Variants in MYLK4 observed in about 807,000 individuals in gnomAD.
MYLK4 encodes myosin light chain kinase family member 4, also known as caMLCK like.
In MYLK4, 46 loss-of-function variants were observed where a neutral mutation model predicts 48.1. The ratio of observed to expected loss-of-function variants is 0.96; its 90% CI spans 0.75 to 1.22. The LOEUF (loss-of-function observed/expected upper bound fraction) is 1.22. Ranked by LOEUF, MYLK4 falls within the 50% of genes most tolerant of loss-of-function variation. MYLK4 has a pLI of 0.00. For missense variants in MYLK4, 451 were observed against 486.1 expected (o/e 0.93, Z 0.68); for synonymous variants, 170 against 180.8 (o/e 0.94, Z 0.48).
At chr6:2,769,498 T>A in the MYLK4 span, among the ~76,000 whole-genome samples, 5 of 152,172 alleles carry the variant, frequency 3.3e-5, no homozygotes, top group African/African-American at 4.8e-5. Flanking sequence ...GGCATAACTT[T>A]AAAAAATTTT....
At chr6:2,679,532 T>C in intron 8 of MYLK4, 124 bp from the exon 9 acceptor site, 1 of 1,232,520 alleles carries the variant, frequency 8.1e-7, no homozygotes, top group Admixed American at 1.7e-5. Flanking sequence ...AAACAAACAT[T>C]GAAGGAAATC....
At chr6:2,746,127 C>T (rs904109230) in intron 2 of MYLK4, among the ~76,000 whole-genome samples, 2 of 150,318 alleles carry the variant, frequency 1.3e-5, no homozygotes, top group African/African-American at 2.4e-5. Flanking sequence ...ATGAGTCAGG[C>T]GTGGTTGCGT....
In MYLK4 at chr6:2,666,000, A is replaced by G. The variant is rs1190465198; in HGVS notation, c.*1925T>C. 6.6e-6 allele frequency: 1 copy of G among 152,200 alleles called. No individual in the cohort carries two copies. The highest frequency in any genetic ancestry group is 1.5e-5 in the Non-Finnish European group (1 of 68,054). 9.4% of individuals were successfully genotyped at this position (152,200 alleles called of 1,614,324 possible). On this transcript the variant is annotated 3_prime_UTR_variant, in exon 13 of 13. Transcript: ENST00000274643. ...TCACATCACAGGAACATAAGAAACCAACCTCGGATAAATGCAAGGCCAAAG... is the reference window on the plus strand; with the variant it reads ...TCACATCACAGGAACATAAGAAACCGACCTCGGATAAATGCAAGGCCAAAG...
chr6:2,687,741 G>A (rs916111766), intron 4 of MYLK4, among the ~76,000 whole-genome samples: 2 of 152,158 alleles, frequency 1.3e-5, no homozygotes, highest in Admixed American at 1.3e-4. Flanking sequence ...ATACGGAGTG[G>A]GAAGAGGAGG....
At position 2,728,687 on chromosome 6, in the gene MYLK4, T is replaced by C. The variant is rs181858361; in HGVS notation, c.159+20449A>G. On this transcript the variant is annotated intron_variant, in intron 2 of 12. Transcript: ENST00000274643. ...GAGGCCACAGAATGTGTTTTCCTTCTGTCCTTCTGTCCTAGTTATCACAGT... is the reference window on the plus strand; with the variant it reads ...GAGGCCACAGAATGTGTTTTCCTTCCGTCCTTCTGTCCTAGTTATCACAGT... Among the ~76,000 whole-genome samples, 346 of 152,366 alleles carry C rather than the reference T, an allele frequency of 2.3e-3. 3 individuals are homozygous for C. The highest frequency in any genetic ancestry group is 4.0e-3 in the Non-Finnish European group (275 of 68,038).
chr6:2,729,181 T>C (rs550811780), intron 2 of MYLK4, among the ~76,000 whole-genome samples: 3 of 152,202 alleles, frequency 2.0e-5, no homozygotes, highest in Non-Finnish European at 4.4e-5. Flanking sequence ...GCCATGCCCC[T>C]ATTATCATGC....
the MYLK4 span, among the ~76,000 whole-genome samples, chr6:2,763,701 A>G: frequency 0.14 from 21,006 of 152,272 alleles, 1,797 homozygotes; most frequent in East Asian, 0.32. Flanking sequence ...TGGCCCGCCC[A>G]GGAAAGAGCT....
chr6:2,763,414 C>G, the MYLK4 span, among the ~76,000 whole-genome samples: 1,544 of 152,320 alleles, frequency 0.01, 25 homozygotes, highest in African/African-American at 0.035. Context: ...AGGCTTGGGC[C>G]GCGCAGGAGT....
chr6:2,747,874 T>C (rs1198237839), intron 2 of MYLK4, among the ~76,000 whole-genome samples: 3 of 152,216 alleles, frequency 2.0e-5, no homozygotes. Flanking sequence ...GAGAAAGTCA[T>C]GTCTCACTTA....
At chr6:2,692,653 G>C (rs76129586) in intron 3 of MYLK4, 131 bp downstream of exon 3, 20 of 559,036 alleles carry the variant, frequency 3.6e-5, no homozygotes, top group Non-Finnish European at 5.2e-5. Context: ...GGGGGGGGGG[G>C]GCATTTTTTT....
intron 8 of MYLK4, 150 bp from the exon 9 acceptor site, chr6:2,679,558 A>C (rs1028864372): frequency 1.9e-6 from 2 of 1,054,554 alleles, no homozygotes; most frequent in Admixed American, 2.0e-5. Flanking sequence ...ATCAAGCAAG[A>C]GGCTCAAAAA....
At chr6:2,700,414 A>C (rs911716376) in intron 2 of MYLK4, among the ~76,000 whole-genome samples, 1 of 152,140 alleles carries the variant, frequency 6.6e-6, no homozygotes, top group African/African-American at 2.4e-5. Context: ...GAGGGGACCC[A>C]CTTCCTCTGT....
chr6:2,712,908 A>G (rs956095763), intron 2 of MYLK4, among the ~76,000 whole-genome samples: 1 of 152,230 alleles, frequency 6.6e-6, no homozygotes, highest in East Asian at 1.9e-4. Flanking sequence ...TACAGCCAGG[A>G]TGCTGGGTTC....
At chr6:2,753,366 G>A (rs1269123865), upstream of MYLK4, among the ~76,000 whole-genome samples, 1 of 152,054 alleles carries the variant, frequency 6.6e-6, no homozygotes, top group African/African-American at 2.4e-5. Context: ...AAGACCTCTT[G>A]AATGTTTACA....
chr6:2,763,824 A>G, the MYLK4 span, among the ~76,000 whole-genome samples: 4 of 150,718 alleles, frequency 2.7e-5, 1 homozygote, highest in African/African-American at 7.3e-5. Context: ...GAATGCTGTC[A>G]CCTCTCACTG....
chr6:2,676,724 G>A (rs954912237), intron 10 of MYLK4, among the ~76,000 whole-genome samples: 2 of 152,176 alleles, frequency 1.3e-5, no homozygotes, highest in East Asian at 3.9e-4. Context: ...GAGCGGCACT[G>A]GAGCCCACTG....
chr6:2,747,662 T>C (rs1231869955), intron 2 of MYLK4, among the ~76,000 whole-genome samples: 1 of 152,196 alleles, frequency 6.6e-6, no homozygotes, highest in Non-Finnish European at 1.5e-5. Context: ...CTTATCTCAC[T>C]CTTTAGAGTG....
At chr6:2,727,497 C>T (rs997212495) in intron 2 of MYLK4, among the ~76,000 whole-genome samples, 4 of 152,070 alleles carry the variant, frequency 2.6e-5, no homozygotes, top group East Asian at 1.9e-4. Context: ...CCAAAGACAG[C>T]CGCTCTTCAT....
chr6:2,698,842 G>A (rs1762167257), intron 2 of MYLK4, among the ~76,000 whole-genome samples: 1 of 152,168 alleles, frequency 6.6e-6, no homozygotes, highest in African/African-American at 2.4e-5. Context: ...CTGAAGTCCT[G>A]GGTGATAAAA....
Sources: gnomAD v4.1 joint callset for allele counts (sites outside exome capture counted in the v4.1 genomes callset) on GRCh38, gnomAD v4.1.1 for gene constraint, MANE v1.5 for transcripts, NCBI Gene and HGNC (gene_info 2026-07-23, HGNC 2026-07-21) for gene names.